The following ARNT2 variants were observed in gnomAD, a reference collection of about 807,000 sequenced individuals.
The protein encoded by ARNT2 is aryl hydrocarbon receptor nuclear translocator 2.
ARNT2 carries 36 observed loss-of-function variants against 91.7 expected under a neutral mutation model. That is an observed-to-expected ratio of 0.39 (90% CI 0.30 to 0.52). The LOEUF (loss-of-function observed/expected upper bound fraction) is 0.52. Among genes scored for constraint, ARNT2 ranks in the 20% least tolerant of loss-of-function variants. The pLI is 0.72. For synonymous variants in ARNT2, 365 were observed against 347.1 expected, an observed-to-expected ratio of 1.05 and a Z score of -0.57; for missense variants, 775 against 939.3, an observed-to-expected ratio of 0.83 and a Z score of 2.29.
chr15:80,454,887 C>T (rs4778595), intron 2 of ARNT2, among the ~76,000 whole-genome samples: 61,405 of 152,040 alleles, frequency 0.4, 12,612 homozygotes, highest in East Asian at 0.56. Context: ...GGCTCATCGA[C>T]GGAAAAGTAC....
intron 1 of ARNT2, among the ~76,000 whole-genome samples, chr15:80,433,538 C>T (rs1352426605): frequency 7.2e-5 from 11 of 152,102 alleles, no homozygotes; most frequent in African/African-American, 2.6e-4. Flanking sequence ...CACCCACCAC[C>T]TCCCCCCGCC....
intron 12 of ARNT2, among the ~76,000 whole-genome samples, chr15:80,569,103 CCCAGTGTGCTT>C (rs1312746831): frequency 1.3e-5 from 2 of 152,194 alleles, no homozygotes; most frequent in Admixed American, 1.3e-4. Flanking sequence ...CCAGACGCCT[CCCAGTGTGCTT>C]CCAGTTACTC....
intron 1 of ARNT2, among the ~76,000 whole-genome samples, chr15:80,416,963 A>G (rs1895794197): frequency 6.6e-6 from 1 of 152,216 alleles, no homozygotes; most frequent in African/African-American, 2.4e-5. Context: ...ATTTGCGAGT[A>G]TAGGCAGCTT....
chr15:80,538,070 G>A (rs1177329067), intron 8 of ARNT2, among the ~76,000 whole-genome samples: 1 of 151,974 alleles, frequency 6.6e-6, no homozygotes, highest in Non-Finnish European at 1.5e-5. Flanking sequence ...TAATGGAAAT[G>A]GAAAGGTATA....
At chr15:80,577,573 C>T (rs962893322) in intron 15 of ARNT2, among the ~76,000 whole-genome samples, 6 of 152,194 alleles carry the variant, frequency 3.9e-5, no homozygotes, top group African/African-American at 1.4e-4. Flanking sequence ...GCTGGCAGCT[C>T]TTGGGGAGGG....
intron 4 of ARNT2, among the ~76,000 whole-genome samples, chr15:80,474,148 G>A (rs1896768787): frequency 6.6e-6 from 1 of 152,174 alleles, no homozygotes; most frequent in Admixed American, 6.5e-5. Flanking sequence ...TTCAGGCGCT[G>A]CAAAGAAAAG....
At position 80,407,191 on chromosome 15, in the gene ARNT2, C is replaced by A. The variant is rs578061073; in HGVS notation, c.31+2645C>A. On this transcript the variant is annotated intron_variant, in intron 1 of 18. Transcript: ENST00000303329. Reference sequence around the variant, plus strand: ...TTTATTTCTGCTGCTAGTTCGTGTCCAGGGTACAAAGGCCACAGCCAGTCA... The same window carrying A: ...TTTATTTCTGCTGCTAGTTCGTGTCAAGGGTACAAAGGCCACAGCCAGTCA... Among the ~76,000 whole-genome samples, 19 of 152,280 alleles carry A rather than the reference C, an allele frequency of 1.2e-4. 1 individual carries two copies. The South Asian group carries it at 3.7e-3, about 30-fold the overall frequency.
At chr15:80,529,746 G>A (rs957170644) in intron 8 of ARNT2, among the ~76,000 whole-genome samples, 2 of 152,030 alleles carry the variant, frequency 1.3e-5, no homozygotes, top group African/African-American at 4.8e-5. Context: ...GTTCTGTATT[G>A]ATTTCTCAAA....
Position 80,591,447 on chromosome 15 carries a change from C to A in ARNT2, c.1919-121C>A. 1 of 1,280,416 alleles carries A rather than the reference C, an allele frequency of 7.8e-7. No individual in the cohort carries two copies. The highest frequency in any genetic ancestry group is 1.1e-6 in the Non-Finnish European group (1 of 901,684). 79.3% of individuals were successfully genotyped at this position (1,280,416 alleles called of 1,614,324 possible). On this transcript the variant is annotated intron_variant, in intron 17 of 18. Transcript: ENST00000303329. This position sits in a 1 kb window ranked among gnomAD's most constrained non-coding sequence, Gnocchi z 5.1. The stretch of plus-strand genomic sequence containing the variant: ...AGACGAGGATAGCAAACACATTCCG[C>A]CAGCTCTGGATGGAACGTGCCTTTC...
chr15:80,463,628 G>T (rs1324440991), intron 3 of ARNT2, among the ~76,000 whole-genome samples: 3 of 149,372 alleles, frequency 2.0e-5, no homozygotes, highest in African/African-American at 7.4e-5. Context: ...GCCCAAGCTG[G>T]AGTGCAATGG....
chr15:80,495,695 C>T (rs1419538242), intron 5 of ARNT2, among the ~76,000 whole-genome samples: 1 of 152,200 alleles, frequency 6.6e-6, no homozygotes, highest in Non-Finnish European at 1.5e-5. Context: ...TTGCTCATGC[C>T]TTCCTAGGGC....
At chr15:80,569,133 A>G (rs8041336) in intron 12 of ARNT2, among the ~76,000 whole-genome samples, 31,447 of 152,162 alleles carry the variant, frequency 0.21, 3,659 homozygotes, top group African/African-American at 0.3. Flanking sequence ...TCCCAGGGAC[A>G]TGATTCCAGC....
chr15:80,532,415 G>A (rs1391257202), intron 8 of ARNT2, among the ~76,000 whole-genome samples: 1 of 152,122 alleles, frequency 6.6e-6, no homozygotes, highest in Non-Finnish European at 1.5e-5. Context: ...GTACCATTGT[G>A]AGGCCCTCAC....
At chr15:80,526,486 C>A (rs892703500) in intron 8 of ARNT2, among the ~76,000 whole-genome samples, 1 of 152,228 alleles carries the variant, frequency 6.6e-6, no homozygotes, top group Non-Finnish European at 1.5e-5. Context: ...TAGTAACCAT[C>A]GTCCGACCTG....
rs186097539 is a variant in ARNT2, at chr15:80,514,805, G to A, written c.877+400G>A. On this transcript the variant is annotated intron_variant, in intron 8 of 18. Coordinates refer to ENST00000303329, the MANE Select transcript of ARNT2 (RefSeq NM_014862.4). ...GGAGGCTGAGGCAGGAGAGTCGCTTGAACCCAGGAGGCAGAGGTTGCAGTG... is the reference window on the plus strand; with the variant it reads ...GGAGGCTGAGGCAGGAGAGTCGCTTAAACCCAGGAGGCAGAGGTTGCAGTG... Among the ~76,000 whole-genome samples the A allele has an allele frequency of 2.4e-3, 363 of 152,252 alleles. 1 individual carries two copies. Among genetic ancestry groups the A allele is most frequent in the African/African-American group, 8.4e-3 (350 of 41,546 alleles).
intron 12 of ARNT2, among the ~76,000 whole-genome samples, chr15:80,568,369 C>A (rs1898524119): frequency 6.6e-6 from 1 of 152,176 alleles, no homozygotes; most frequent in Non-Finnish European, 1.5e-5. Context: ...CTGTTCAGGC[C>A]AAGTCCTATT....
chr15:80,473,612 T>C (rs1896762606), intron 4 of ARNT2, among the ~76,000 whole-genome samples: 1 of 152,200 alleles, frequency 6.6e-6, no homozygotes, highest in African/African-American at 2.4e-5. Flanking sequence ...ACAGCAAAAG[T>C]GCAAAGCAAG....
chr15:80,501,743 T>C (rs367780283), intron 5 of ARNT2, among the ~76,000 whole-genome samples: 38 of 152,178 alleles, frequency 2.5e-4, no homozygotes, highest in African/African-American at 8.2e-4. Context: ...TGAGCTTTAG[T>C]GTGTAGGTCT....
chr15:80,415,807 C>T (rs1291735334), intron 1 of ARNT2, among the ~76,000 whole-genome samples: 1 of 152,126 alleles, frequency 6.6e-6, no homozygotes, highest in African/African-American at 2.4e-5. Context: ...CTATCATATC[C>T]CCAGCTAGAA....
Sources: gnomAD v4.1 joint callset for allele counts (sites outside exome capture counted in the v4.1 genomes callset) on GRCh38, gnomAD v4.1.1 for gene constraint, Gnocchi (gnomAD v3.1) non-coding constraint, MANE v1.5 for transcripts, NCBI Gene and HGNC (gene_info 2026-07-23, HGNC 2026-07-21) for gene names.